Variants in PDE7B observed in about 807,000 individuals in gnomAD.
PDE7B encodes the protein phosphodiesterase 7B.
PDE7B carries 29 observed loss-of-function variants against 56.2 expected under a neutral mutation model. The observed-to-expected ratio is 0.52, with a 90% CI of 0.38 to 0.70. PDE7B has a LOEUF of 0.70. PDE7B is among the 30% of genes least tolerant of loss of function. The pLI is 0.00. For missense variants in PDE7B, 490 were observed against 565.0 expected (o/e 0.87, Z 1.35); for synonymous variants, 197 against 196.9 (o/e 1.00, Z 0.00).
intron 2 of PDE7B, among the ~76,000 whole-genome samples, chr6:136,076,753 A>G (rs1187621621): frequency 6.6e-6 from 1 of 152,072 alleles, no homozygotes; most frequent in Non-Finnish European, 1.5e-5. Flanking sequence ...GCACTCCATA[A>G]TGTTGAAAGT....
chr6:135,925,121 C>A (rs1774161258), intron 1 of PDE7B, among the ~76,000 whole-genome samples: 1 of 149,604 alleles, frequency 6.7e-6, no homozygotes, highest in African/African-American at 2.5e-5. Context: ...TAAACTGAAA[C>A]AGAAGCTGAA....
intron 2 of PDE7B, among the ~76,000 whole-genome samples, chr6:136,004,576 C>T (rs1203074741): frequency 2.0e-5 from 3 of 151,520 alleles, no homozygotes; most frequent in Admixed American, 6.6e-5. Flanking sequence ...AACAGAGAGC[C>T]AAATCATGAG....
At chr6:135,897,262 G>C (rs1367197309) in intron 1 of PDE7B, among the ~76,000 whole-genome samples, 1 of 85,616 alleles carries the variant, frequency 1.2e-5, no homozygotes, top group Non-Finnish European at 2.2e-5. Context: ...CATTGTGTCA[G>C]GGTGTGTGTG....
chr6:136,060,801 T>G (rs1035014305), intron 2 of PDE7B, among the ~76,000 whole-genome samples: 22 of 152,332 alleles, frequency 1.4e-4, no homozygotes, highest in African/African-American at 5.3e-4. Context: ...CAAGCTGAGA[T>G]TCTAATCCTC....
rs1274277014 is a variant in PDE7B at position 136,139,702 on chromosome 6, G to C, written c.167-7649G>C. ...TGGTATCTCATTGTGGTTTTGATTT[G>C]CATTTCTCTGATGGCCAGTGATGAC... On this transcript the variant is annotated intron_variant, in intron 3 of 12. Coordinates refer to ENST00000308191, the MANE Select transcript of PDE7B (RefSeq NM_018945.4). Among the ~76,000 whole-genome samples the C allele has an allele frequency of 5.9e-5, 9 of 152,168 alleles. 1 individual carries two copies. The highest frequency in any genetic ancestry group is 5.9e-4 in the Admixed American group (9 of 15,282).
intron 2 of PDE7B, among the ~76,000 whole-genome samples, chr6:136,062,251 GT>G (rs1178636063): frequency 6.6e-6 from 1 of 152,052 alleles, no homozygotes; most frequent in African/African-American, 2.4e-5. Flanking sequence ...AATTGTATAT[GT>G]TTAAAGTAGA....
chr6:136,015,155 C>T (rs1163419151), intron 2 of PDE7B, among the ~76,000 whole-genome samples: 1 of 152,176 alleles, frequency 6.6e-6, no homozygotes, highest in Non-Finnish European at 1.5e-5. Flanking sequence ...TGGTGGGATT[C>T]TTTTTCCTGA....
intron 1 of PDE7B, among the ~76,000 whole-genome samples, chr6:135,895,208 G>T (rs1302023459): frequency 1.3e-5 from 2 of 152,022 alleles, no homozygotes; most frequent in African/African-American, 2.4e-5. Flanking sequence ...TGTAACAAAA[G>T]AACTTTGTCA....
chr6:135,913,183 TCCTC>T (rs1041084360), intron 1 of PDE7B, among the ~76,000 whole-genome samples: 38 of 152,316 alleles, frequency 2.5e-4, no homozygotes, highest in African/African-American at 8.4e-4. Context: ...ATTTTGCACT[TCCTC>T]CTCCTACCAC....
At chr6:135,912,254 T>A (rs1438444350) in intron 1 of PDE7B, among the ~76,000 whole-genome samples, 1 of 152,010 alleles carries the variant, frequency 6.6e-6, no homozygotes, top group Non-Finnish European at 1.5e-5. Flanking sequence ...CATCAGCAGA[T>A]TCAACCATGG....
intron 8 of PDE7B, among the ~76,000 whole-genome samples, chr6:136,167,656 C>G (rs1319368124): frequency 6.6e-6 from 1 of 152,186 alleles, no homozygotes. Context: ...ACCATCTCTA[C>G]CACCACTAGT....
chr6:136,155,642 A>T lies in PDE7B; in HGVS notation c.595A>T (p.Thr199Ser). 1 of 1,608,412 alleles carries T rather than the reference A, an allele frequency of 6.2e-7. No homozygotes were observed. Among genetic ancestry groups the T allele is most frequent in the Non-Finnish European group, 8.5e-7 (1 of 1,176,446 alleles). Residue 199 changes from threonine to serine, a missense_variant, in exon 8 of 13, where the codon ACG (threonine) becomes TCG (serine). Transcript: ENST00000308191. ...TTTTTAACAGCTTGCCAGCTTCCTC[A>T]CGCCTCTGGACATCATGCTTGGACT... The part of the protein sequence containing the change: ...LKEPKLASFL[T>S]PLDIMLGLLA...
intron 1 of PDE7B, among the ~76,000 whole-genome samples, chr6:135,917,687 C>T (rs1050947959): frequency 2.0e-5 from 3 of 151,902 alleles, no homozygotes; most frequent in African/African-American, 4.8e-5. Flanking sequence ...TGCTGGATAC[C>T]GTGAATCCTA....
intron 2 of PDE7B, among the ~76,000 whole-genome samples, chr6:136,003,432 C>G (rs1323363726): frequency 6.6e-6 from 1 of 151,954 alleles, no homozygotes; most frequent in Non-Finnish European, 1.5e-5. Context: ...TTGAAAGGAT[C>G]AACAAAATCA....
intron 3 of PDE7B, among the ~76,000 whole-genome samples, chr6:136,146,736 C>T (rs1265725880): frequency 6.6e-6 from 1 of 152,176 alleles, no homozygotes; most frequent in Non-Finnish European, 1.5e-5. Context: ...CTGCTCATTT[C>T]AAATGCAGGC....
At chr6:135,895,265 G>A (rs971857464) in intron 1 of PDE7B, among the ~76,000 whole-genome samples, 1 of 152,146 alleles carries the variant, frequency 6.6e-6, no homozygotes, top group Admixed American at 6.6e-5. Context: ...AATAATGATA[G>A]TGAGCGGCAA....
chr6:136,020,181 T>C (rs1047745169), intron 2 of PDE7B, among the ~76,000 whole-genome samples: 2 of 152,166 alleles, frequency 1.3e-5, no homozygotes, highest in Admixed American at 6.5e-5. Context: ...TTTTCTTAGC[T>C]CTTGTGAAGG....
intron 2 of PDE7B, among the ~76,000 whole-genome samples, chr6:136,002,911 C>T (rs1775701507): frequency 6.6e-6 from 1 of 151,906 alleles, no homozygotes; most frequent in South Asian, 2.1e-4. Flanking sequence ...TTTTTCAGCA[C>T]CACACCACAC....
At chr6:135,944,251 A>T (rs951837882) in intron 1 of PDE7B, among the ~76,000 whole-genome samples, 1 of 152,108 alleles carries the variant, frequency 6.6e-6, no homozygotes, top group Non-Finnish European at 1.5e-5. Context: ...CCCAGGACAG[A>T]TCCTGCAGTT....
Sources: allele counts gnomAD v4.1 joint callset (sites outside exome capture counted in the v4.1 genomes callset), GRCh38; gene constraint gnomAD v4.1.1; transcripts MANE v1.5; gene names NCBI Gene and HGNC (gene_info 2026-07-23, HGNC 2026-07-21).